TMPRSS11A: variants seen among roughly 807,000 people sequenced by gnomAD.
TMPRSS11A encodes the protein transmembrane protease serine 11A.
A neutral mutation model predicts 58.9 loss-of-function variants in TMPRSS11A; 53 were observed. That is an observed-to-expected ratio of 0.90 (90% CI 0.72 to 1.13). The LOEUF is 1.13. Ranked by LOEUF, TMPRSS11A falls within the 50% of genes most tolerant of loss-of-function variation. TMPRSS11A has a pLI of 0.00. For synonymous variants in TMPRSS11A, 167 were observed against 169.8 expected (o/e 0.98, Z 0.13); for missense variants, 493 against 499.3 (o/e 0.99, Z 0.12).
intron 1 of TMPRSS11A, among the ~76,000 whole-genome samples, 170 bp from the exon 2 acceptor site, chr4:67,946,741 A>G (rs2109763030): frequency 7.0e-6 from 1 of 142,146 alleles, no homozygotes; most frequent in South Asian, 2.3e-4. Context: ...AAAAAAAATC[A>G]GGATCTGGGA....
chr4:67,920,549 A>ATATATATATATT lies in TMPRSS11A; in HGVS notation c.693-1318_693-1317insAATATATATATA, dbSNP rs371252656. ...TAATTATATATATATATATATATAT[A>ATATATATATATT]TTTTTTTTTATATATACACACACAC... On this transcript the variant is annotated intron_variant, in intron 7 of 9. Coordinates refer to ENST00000508048, the MANE Select transcript of TMPRSS11A (RefSeq NM_001114387.2). Among the ~76,000 whole-genome samples the ATATATATATATT allele has an allele frequency of 1.2e-3, 155 of 130,884 alleles. 1 individual carries two copies. The highest frequency in any genetic ancestry group is 4.5e-3 in the African/African-American group (146 of 32,624). 85.9% of individuals were successfully genotyped at this position (130,884 alleles called of 152,430 possible). A position where few individuals can be genotyped will look rare whatever the true frequency, so the allele number is the denominator to read the frequency against.
intron 3 of TMPRSS11A, among the ~76,000 whole-genome samples, chr4:67,935,030 T>C (rs886578017): frequency 6.6e-6 from 1 of 152,202 alleles, no homozygotes; most frequent in Non-Finnish European, 1.5e-5. Flanking sequence ...AAAAAAACTT[T>C]AGATCCTATT....
Position 67,933,328 on chromosome 4 carries a change from G to A in TMPRSS11A, c.253-1268C>T, listed in dbSNP as rs528765060. On this transcript the variant is annotated intron_variant, in intron 3 of 9. Coordinates refer to ENST00000508048, the MANE Select transcript of TMPRSS11A (RefSeq NM_001114387.2). ...ATTATGTGAATTTCCCTGGCATCAC[G>A]CAGATACTAGTAAGCTGGGACTGAA... Among the ~76,000 whole-genome samples, 13 of 152,216 alleles carry A rather than the reference G, an allele frequency of 8.5e-5. No homozygotes were observed. In the South Asian group the frequency reaches 1.0e-3, roughly 12 times the overall value.
Position 67,911,345 on chromosome 4 carries a change from G to A in TMPRSS11A, c.1254C>T (p.Ile418=), listed in dbSNP as rs375027937. The A allele has an allele frequency of 1.9e-6, 3 of 1,612,740 alleles. No individual in the cohort carries two copies. The highest frequency in any genetic ancestry group is 2.5e-6 in the Non-Finnish European group (3 of 1,179,226). Residue 418 remains isoleucine, a synonymous_variant, in exon 10 of 10, where the codon ATC becomes ATT. Coordinates refer to ENST00000508048, the MANE Select transcript of TMPRSS11A (RefSeq NM_001114387.2). ...YRNWIASKTG[I] ...TTTGTTTAACTTTTATCGTGAATTA[G>A]ATGCCTGTTTTTGAAGCAATCCAGT...
chr4:67,922,838 G>C lies in TMPRSS11A; in HGVS notation c.609C>G (p.Ser203=), dbSNP rs369845843. 4.3e-6 allele frequency: 7 copies of C among 1,614,114 alleles called. No homozygotes were observed. ...APKAAWPWQA[S]LQYDNIHQCG... ...ACTGATGGATGTTATCATACTGAAGGGAAGCTTGCCAAGGCCAGGCCGCCT... is the reference window on the plus strand; with the variant it reads ...ACTGATGGATGTTATCATACTGAAGCGAAGCTTGCCAAGGCCAGGCCGCCT... Residue 203 remains serine (S), a synonymous_variant, in exon 7 of 10, where the codon TCC becomes TCG. Coordinates refer to ENST00000508048, the MANE Select transcript of TMPRSS11A (RefSeq NM_001114387.2).
At chr4:67,919,254 C>T (rs755983580) in intron 7 of TMPRSS11A, 22 bp from the exon 8 acceptor site, 3 of 1,609,860 alleles carry the variant, frequency 1.9e-6, no homozygotes, top group South Asian at 1.1e-5. Flanking sequence ...TAGAAATTAA[C>T]AGAATATATA....
intron 4 of TMPRSS11A, among the ~76,000 whole-genome samples, chr4:67,930,808 C>T (rs1209720482): frequency 3.3e-4 from 17 of 51,122 alleles, no homozygotes; most frequent in South Asian, 9.1e-4. Flanking sequence ...GTTATCTCTC[C>T]TTTTTTTTTT....
chr4:67,960,826 G>A (rs1721404783), intron 1 of TMPRSS11A, among the ~76,000 whole-genome samples: 1 of 152,154 alleles, frequency 6.6e-6, no homozygotes, highest in Non-Finnish European at 1.5e-5. Context: ...TAAAGGTGAT[G>A]AGGAAGAGGA....
intron 1 of TMPRSS11A, among the ~76,000 whole-genome samples, chr4:67,960,308 T>TA (rs1471480277): frequency 6.6e-6 from 1 of 152,032 alleles, no homozygotes; most frequent in African/African-American, 2.4e-5. Context: ...AAAATTAAAT[T>TA]AAAAAACAGT....
intron 9 of TMPRSS11A, among the ~76,000 whole-genome samples, chr4:67,913,374 A>G (rs940451033): frequency 1.1e-4 from 17 of 152,150 alleles, no homozygotes; most frequent in African/African-American, 2.4e-4. Context: ...ATGTGCCCCA[A>G]TTACAATCAC....
At chr4:67,935,479 C>T (rs567941769) in intron 3 of TMPRSS11A, among the ~76,000 whole-genome samples, 1 of 152,132 alleles carries the variant, frequency 6.6e-6, no homozygotes, top group South Asian at 2.1e-4. Flanking sequence ...TCTTATCCCT[C>T]TTATACCTTT....
intron 1 of TMPRSS11A, among the ~76,000 whole-genome samples, chr4:67,951,140 T>C (rs2109767040): frequency 6.6e-6 from 1 of 152,316 alleles, no homozygotes. Flanking sequence ...TTCCATGAAA[T>C]CCAATTAGAC....
At chr4:67,936,983 CA>C (rs1720769585) in intron 3 of TMPRSS11A, among the ~76,000 whole-genome samples, 1 of 152,150 alleles carries the variant, frequency 6.6e-6, no homozygotes, top group Non-Finnish European at 1.5e-5. Context: ...TTAGAAGGTT[CA>C]TGTCCTCTCC....
Position 67,922,881 on chromosome 4 carries a change from G to A in TMPRSS11A, c.566C>T (p.Ser189Phe), listed in dbSNP as rs1720367515. The A allele has an allele frequency of 1.2e-6, 2 of 1,614,174 alleles. No individual in the cohort carries two copies. The highest frequency in any genetic ancestry group is 3.3e-5 in the Admixed American group (2 of 60,022). ...VVPLNVNRIA[S>F]GVIAPKAAWP... Reference sequence around the variant, plus strand: ...GGCCGCCTTGGGTGCAATGACTCCAGATGCTATTCTGTTGACGTTTAATGG... The same window carrying A: ...GGCCGCCTTGGGTGCAATGACTCCAAATGCTATTCTGTTGACGTTTAATGG... Residue 189 changes from serine to phenylalanine, a missense_variant, in exon 7 of 10, where the codon TCT (serine) becomes TTT (phenylalanine). By Grantham distance (155) the Ser-to-Phe change is radical. Coordinates refer to ENST00000508048, the MANE Select transcript of TMPRSS11A (RefSeq NM_001114387.2).
chr4:67,960,374 C>A (rs571410380), intron 1 of TMPRSS11A, among the ~76,000 whole-genome samples: 2 of 152,126 alleles, frequency 1.3e-5, no homozygotes, highest in Non-Finnish European at 2.9e-5. Flanking sequence ...TTACCCTATT[C>A]GTTAAACTCA....
chr4:67,957,522 A>G (rs1207073400), intron 1 of TMPRSS11A, among the ~76,000 whole-genome samples: 1 of 152,170 alleles, frequency 6.6e-6, no homozygotes, highest in Non-Finnish European at 1.5e-5. Flanking sequence ...TGAACTTGAG[A>G]GAGATGATTT....
chr4:67,947,666 A>G (rs992759327), intron 1 of TMPRSS11A, among the ~76,000 whole-genome samples: 1 of 152,212 alleles, frequency 6.6e-6, no homozygotes, highest in African/African-American at 2.4e-5. Flanking sequence ...TTTTTCCACA[A>G]TTTTGGAGGA....
At chr4:67,935,695 A>C (rs907914887) in intron 3 of TMPRSS11A, among the ~76,000 whole-genome samples, 2 of 152,320 alleles carry the variant, frequency 1.3e-5, no homozygotes, top group East Asian at 3.9e-4. Context: ...ATTGATAAAA[A>C]GGTGAGAATT....
chr4:67,924,088 G>A, intron 6 of TMPRSS11A, 40 bp downstream of exon 6: 2 of 1,560,990 alleles, frequency 1.3e-6, no homozygotes, highest in Non-Finnish European at 8.8e-7. Context: ...CCTTTCTGAT[G>A]TGAAAATTGA....
Sources: gnomAD v4.1 joint callset for allele counts (sites outside exome capture counted in the v4.1 genomes callset) on GRCh38, gnomAD v4.1.1 for gene constraint, MANE v1.5 for transcripts, NCBI Gene and HGNC (gene_info 2026-07-23, HGNC 2026-07-21) for gene names.